Variants in ZBTB7C observed in about 807,000 individuals in gnomAD.
The protein encoded by ZBTB7C is zinc finger and BTB domain containing 7C, also known as zinc finger and BTB domain-containing protein 7C.
Under a neutral mutation model 25.7 loss-of-function variants are expected in ZBTB7C, and 8 were observed. That is an observed-to-expected ratio of 0.31 (90% CI 0.18 to 0.56). The LOEUF is 0.56. ZBTB7C is among the 20% of genes least tolerant of loss of function. The pLI is 0.91. For missense variants in ZBTB7C, 824 were observed against 855.2 expected (o/e 0.96, Z 0.46); for synonymous variants, 394 against 369.0 (o/e 1.07, Z -0.78).
chr18:48,201,305 C>A (rs969716406), intron 2 of ZBTB7C, among the ~76,000 whole-genome samples: 2 of 152,188 alleles, frequency 1.3e-5, no homozygotes, highest in African/African-American at 4.8e-5. Context: ...CCTCCTCTGA[C>A]AGACATGCAT....
intron 3 of ZBTB7C, among the ~76,000 whole-genome samples, chr18:48,104,708 A>G (rs891525757): frequency 1.3e-5 from 2 of 152,226 alleles, no homozygotes; most frequent in Non-Finnish European, 2.9e-5. Context: ...AGAAGCAAGC[A>G]ACAGGGAGAC....
intron 3 of ZBTB7C, among the ~76,000 whole-genome samples, chr18:48,172,331 G>A (rs577094843): frequency 6.6e-6 from 1 of 152,362 alleles, no homozygotes; most frequent in Admixed American, 6.5e-5. Context: ...GCAGCCATTT[G>A]CACAGCTTGG....
At position 48,329,794 on chromosome 18, in the gene ZBTB7C, G is replaced by A. The variant is rs60062107; in HGVS notation, c.-79+8380C>T. Among the ~76,000 whole-genome samples the A allele has an allele frequency of 6.2e-3, 940 of 152,188 alleles. 5 individuals carry two copies. The highest frequency in any genetic ancestry group is 0.02 in the African/African-American group (812 of 41,534). ...AGGAAGCTGAGGCTCAGTGCATCTC[G>A]CCCCATGTCTTATTATTCCTCAGTG... On this transcript the variant is annotated intron_variant, in intron 2 of 4. Coordinates refer to ENST00000590800, the MANE Select transcript of ZBTB7C (RefSeq NM_001318841.2).
At chr18:48,334,202 C>A (rs1345940778) in intron 2 of ZBTB7C, among the ~76,000 whole-genome samples, 1 of 152,082 alleles carries the variant, frequency 6.6e-6, no homozygotes, top group Non-Finnish European at 1.5e-5. Context: ...TGGCTAGAGA[C>A]CCCCCACACA....
At chr18:48,053,215 C>T (rs2036767508) in intron 3 of ZBTB7C, among the ~76,000 whole-genome samples, 2 of 152,210 alleles carry the variant, frequency 1.3e-5, no homozygotes, top group Non-Finnish European at 1.5e-5. Context: ...ATCGCCCCTA[C>T]AGTGGCCAAG....
At chr18:48,112,515 T>C (rs984226374) in intron 3 of ZBTB7C, among the ~76,000 whole-genome samples, 1 of 151,986 alleles carries the variant, frequency 6.6e-6, no homozygotes, top group African/African-American at 2.4e-5. Context: ...GCCCAGCAGA[T>C]TTTTATATTT....
chr18:48,368,806 A>AAAGAAAAGAATTATCCACCCAG (rs57505551), intron 1 of ZBTB7C, among the ~76,000 whole-genome samples: 94,576 of 152,018 alleles, frequency 0.62, 30,226 homozygotes, highest in East Asian at 0.91. Flanking sequence ...GTGTGAAAAG[A>AAAGAAAAGAATTATCCACCCAG]AATCCTATTT....
chr18:48,113,678 AT>A (rs1252725778), intron 3 of ZBTB7C, among the ~76,000 whole-genome samples: 1 of 148,966 alleles, frequency 6.7e-6, no homozygotes, highest in East Asian at 1.9e-4. Context: ...CGATGAACTC[AT>A]TTTATCCTCA....
intron 2 of ZBTB7C, among the ~76,000 whole-genome samples, chr18:48,250,481 C>A (rs1264061143): frequency 6.6e-6 from 1 of 152,106 alleles, no homozygotes; most frequent in Non-Finnish European, 1.5e-5. Context: ...ATATAACACT[C>A]AGATGATGCT....
At chr18:48,206,697 C>T (rs1436631301) in intron 2 of ZBTB7C, among the ~76,000 whole-genome samples, 2 of 152,092 alleles carry the variant, frequency 1.3e-5, no homozygotes, top group African/African-American at 4.8e-5. Context: ...CCACTGCTTT[C>T]CACTGAAGTA....
rs776032886 is a variant in ZBTB7C, at chr18:48,040,706, C to A, written c.402G>T (p.Gly134=). The stretch of plus-strand genomic sequence containing the variant: ...CATCGTCCTCCTTGTCATCCTCCTC[C>A]CCCCCGTCCCCCCCAGGCTCCATGA... ...LEIMEPGGDG[G]EEDDKEDDDD... The change falls in exon 4 of 5, where the codon GGG becomes GGT. Residue 134 remains glycine, a synonymous_variant. Transcript: ENST00000590800. The A allele has an allele frequency of 2.5e-6, 4 of 1,613,700 alleles. No homozygotes were observed. Among genetic ancestry groups the A allele is most frequent in the East Asian group, 2.2e-5 (1 of 44,866 alleles).
intron 1 of ZBTB7C, among the ~76,000 whole-genome samples, chr18:48,344,559 A>G (rs2046683259): frequency 6.6e-6 from 1 of 152,198 alleles, no homozygotes; most frequent in African/African-American, 2.4e-5. Context: ...AGTTATCCAA[A>G]ACAGAGAAGG....
chr18:48,147,180 T>A (rs2040520432), intron 3 of ZBTB7C, among the ~76,000 whole-genome samples: 1 of 151,568 alleles, frequency 6.6e-6, no homozygotes, highest in Non-Finnish European at 1.5e-5. Context: ...TGGGTTCAAG[T>A]GATTCTCGTG....
At chr18:48,353,584 T>G (rs1236344442) in intron 1 of ZBTB7C, among the ~76,000 whole-genome samples, 1 of 152,148 alleles carries the variant, frequency 6.6e-6, no homozygotes, top group Non-Finnish European at 1.5e-5. Context: ...TGTCCCCCAG[T>G]ATTCTCCAAT....
intron 3 of ZBTB7C, among the ~76,000 whole-genome samples, chr18:48,072,921 C>CCGGAG (rs1323147803): frequency 5.0e-4 from 76 of 152,316 alleles, no homozygotes; most frequent in African/African-American, 1.4e-3. Context: ...GGAGTGCAGC[C>CCGGAG]TGGAGTTCCC....
intron 3 of ZBTB7C, among the ~76,000 whole-genome samples, chr18:48,097,599 G>A (rs1038852977): frequency 6.6e-6 from 1 of 152,096 alleles, no homozygotes; most frequent in Non-Finnish European, 1.5e-5. Context: ...GTTTCACCAC[G>A]TTGGCCAGGC....
intron 2 of ZBTB7C, among the ~76,000 whole-genome samples, chr18:48,322,983 T>A (rs967467382): frequency 6.6e-6 from 1 of 152,040 alleles, no homozygotes. Flanking sequence ...CTTTCACAAG[T>A]GGAAACTAAG....
intron 1 of ZBTB7C, among the ~76,000 whole-genome samples, chr18:48,340,950 G>A (rs1268310040): frequency 2.6e-5 from 4 of 152,150 alleles, no homozygotes; most frequent in African/African-American, 7.2e-5. Flanking sequence ...CAGGCATTGC[G>A]GCAGCCCCCC....
At chr18:48,345,888 T>C (rs575067616) in intron 1 of ZBTB7C, among the ~76,000 whole-genome samples, 24 of 152,210 alleles carry the variant, frequency 1.6e-4, no homozygotes, top group Non-Finnish European at 2.4e-4. Context: ...AATTACATGA[T>C]CTATAAAAAT....
Sources: gnomAD v4.1 joint callset for allele counts (sites outside exome capture counted in the v4.1 genomes callset) on GRCh38, gnomAD v4.1.1 for gene constraint, MANE v1.5 for transcripts, NCBI Gene and HGNC (gene_info 2026-07-23, HGNC 2026-07-21) for gene names.